Variants in CORIN observed in about 807,000 individuals in gnomAD.
CORIN encodes the protein corin, serine peptidase, also known as atrial natriuretic peptide-converting enzyme.
CORIN carries 117 observed loss-of-function variants against 125.3 expected under a neutral mutation model. That is an observed-to-expected ratio of 0.93 (90% confidence interval 0.80 to 1.09). CORIN has a LOEUF of 1.09. CORIN is among the 50% of genes least tolerant of loss of function. The pLI is 0.00. For missense variants in CORIN, 1,253 were observed against 1,306.7 expected (o/e 0.96, Z 0.63); for synonymous variants, 450 against 466.4 (o/e 0.96, Z 0.45).
chr4:47,769,262 G>C (rs1260535428), intron 3 of CORIN, among the ~76,000 whole-genome samples: 1 of 151,518 alleles, frequency 6.6e-6, no homozygotes, highest in Non-Finnish European at 1.5e-5. Flanking sequence ...AAAAGAAATC[G>C]AGAAAACAAT....
chr4:47,804,434 C>G (rs552883532), intron 2 of CORIN, among the ~76,000 whole-genome samples: 1 of 152,120 alleles, frequency 6.6e-6, no homozygotes, highest in Non-Finnish European at 1.5e-5. Flanking sequence ...TGATCACACT[C>G]GTCAATATTT....
chr4:47,757,364 T>C (rs10021423), intron 4 of CORIN, among the ~76,000 whole-genome samples: 8,430 of 151,948 alleles, frequency 0.055, 736 homozygotes, highest in African/African-American at 0.19. Context: ...GAGGCTGAGG[T>C]GGGTGGATCA....
At chr4:47,693,329 G>A (rs1725854752) in intron 5 of CORIN, among the ~76,000 whole-genome samples, 1 of 152,176 alleles carries the variant, frequency 6.6e-6, no homozygotes, top group Non-Finnish European at 1.5e-5. Context: ...CAGTGGGCTT[G>A]CAGAGTGAGG....
At chr4:47,826,087 C>G (rs1732733469) in intron 1 of CORIN, among the ~76,000 whole-genome samples, 1 of 152,106 alleles carries the variant, frequency 6.6e-6, no homozygotes, top group South Asian at 2.1e-4. Flanking sequence ...TGATAAGACA[C>G]CAACTGAGTT....
chr4:47,678,004 T>C lies in CORIN; in HGVS notation c.1183A>G (p.Ser395Gly), dbSNP rs2109706257. ...VECRNGQCIP[S>G]TFQCDGDEDC... ...TCGTCACCATCACATTGAAACGTGC[T>C]GGGGATACATTGTCCATTTCTGCAT... is the stretch of plus-strand genomic sequence containing the variant. Residue 395 changes from serine (S) to glycine (G), a missense_variant, in exon 9 of 22, where the codon AGC becomes GGC. Physicochemically the swap from Ser to Gly is moderately conservative, Grantham distance 56. Coordinates refer to ENST00000273857, the MANE Select transcript of CORIN (RefSeq NM_006587.4). 6.2e-7 allele frequency: 1 copy of C among 1,614,104 alleles called. No individual in the cohort carries two copies. Among genetic ancestry groups the C allele is most frequent in the East Asian group, 2.2e-5 (1 of 44,868 alleles).
intron 16 of CORIN, among the ~76,000 whole-genome samples, chr4:47,641,162 T>G (rs10005066): frequency 0.26 from 39,882 of 152,074 alleles, 5,479 homozygotes; most frequent in Admixed American, 0.36. Flanking sequence ...TATTGTAAAA[T>G]TGTTTCAAGT....
chr4:47,834,352 A>G (rs995211617), intron 1 of CORIN, among the ~76,000 whole-genome samples: 8 of 152,190 alleles, frequency 5.3e-5, no homozygotes, highest in Non-Finnish European at 1.2e-4. Context: ...TAAGCCAGAC[A>G]CAGAAGGACA....
chr4:47,718,577 T>C (rs1484395323), intron 5 of CORIN, among the ~76,000 whole-genome samples: 3 of 152,342 alleles, frequency 2.0e-5, no homozygotes, highest in South Asian at 4.1e-4. Flanking sequence ...ACAGTTGTCA[T>C]TGTAACCTAA....
chr4:47,796,364 C>A (rs962491704), intron 2 of CORIN, among the ~76,000 whole-genome samples: 1 of 152,006 alleles, frequency 6.6e-6, no homozygotes, highest in Admixed American at 6.6e-5. Context: ...TGATCACACT[C>A]ATATGAGAAA....
At chr4:47,827,467 C>G (rs1362863145) in intron 1 of CORIN, among the ~76,000 whole-genome samples, 1 of 152,126 alleles carries the variant, frequency 6.6e-6, no homozygotes, top group African/African-American at 2.4e-5. Flanking sequence ...AATTAACTTG[C>G]TGGAGGAGCA....
chr4:47,736,129 G>A (rs185363286), intron 5 of CORIN, among the ~76,000 whole-genome samples: 1 of 152,026 alleles, frequency 6.6e-6, no homozygotes, highest in African/African-American at 2.4e-5. Context: ...AAGACTGTAA[G>A]CATTCTTATA....
At position 47,680,174 on chromosome 4, in the gene CORIN, C is replaced by T. The variant is rs150957535; in HGVS notation, c.1099G>A (p.Asp367Asn). 18 of 1,613,718 alleles carry T rather than the reference C, an allele frequency of 1.1e-5. No homozygotes were observed. Among genetic ancestry groups the T allele is most frequent in the Non-Finnish European group, 1.4e-5 (16 of 1,179,794 alleles). ...ACCTCGTCAGACTTATCCACACAGT[C>T]GTGGTCACCATCACACACCCACTCC... ...AMEWVCDGDH[D>N]CVDKSDEVNC... The change falls in exon 8 of 22, where the codon GAC (aspartate) becomes AAC (asparagine). Residue 367 changes from aspartate (D) to asparagine (N), a missense_variant. By Grantham distance (23) the Asp-to-Asn change is conservative. Transcript: ENST00000273857.
chr4:47,679,448 C>T (rs1173342770), intron 8 of CORIN: 1 of 152,006 alleles, frequency 6.6e-6, no homozygotes, highest in Non-Finnish European at 1.5e-5. Context: ...AGTGTAATCT[C>T]CACCTCCCTG....
chr4:47,695,291 C>T (rs1725938864), intron 5 of CORIN, among the ~76,000 whole-genome samples: 1 of 152,176 alleles, frequency 6.6e-6, no homozygotes, highest in South Asian at 2.1e-4. Context: ...CTGTATTATA[C>T]TAGAGAGTGC....
rs146787057 is a variant in CORIN at position 47,643,819 on chromosome 4, C to T, written c.1958-563G>A. On this transcript the variant is annotated intron_variant, in intron 14 of 21. Coordinates refer to ENST00000273857, the MANE Select transcript of CORIN (RefSeq NM_006587.4). ...ATTTTGTTCAGGCCCCTACACCAGC[C>T]ATCCCCACTTCCAAAGGAAGATCCT... Among the ~76,000 whole-genome samples the T allele has an allele frequency of 1.4e-4, 22 of 152,344 alleles. No homozygotes were observed. The East Asian group carries it at 4.0e-3, about 28-fold the overall frequency.
intron 3 of CORIN, among the ~76,000 whole-genome samples, chr4:47,780,499 G>A (rs73150663): frequency 5.7e-4 from 86 of 152,200 alleles, no homozygotes; most frequent in African/African-American, 2.0e-3. Context: ...AAAAACAATT[G>A]AGGAGTAGGA....
At chr4:47,805,285 C>T (rs1043312367) in intron 2 of CORIN, among the ~76,000 whole-genome samples, 2 of 151,904 alleles carry the variant, frequency 1.3e-5, no homozygotes, top group African/African-American at 2.4e-5. Context: ...TTGCTTATTA[C>T]ATGCCTGTAG....
At chr4:47,735,210 T>G (rs1728069426) in intron 5 of CORIN, among the ~76,000 whole-genome samples, 1 of 152,356 alleles carries the variant, frequency 6.6e-6, no homozygotes, top group South Asian at 2.1e-4. Flanking sequence ...TACATTCTTA[T>G]GCATATACAA....
At chr4:47,708,060 G>C (rs1726660465) in intron 5 of CORIN, among the ~76,000 whole-genome samples, 1 of 152,166 alleles carries the variant, frequency 6.6e-6, no homozygotes, top group Non-Finnish European at 1.5e-5. Flanking sequence ...ATAGGTGGTG[G>C]AGCTACATAT....
Sources: allele counts gnomAD v4.1 joint callset (sites outside exome capture counted in the v4.1 genomes callset), GRCh38; gene constraint gnomAD v4.1.1; transcripts MANE v1.5; gene names NCBI Gene and HGNC (gene_info 2026-07-23, HGNC 2026-07-21).